Variants in MAGI1 observed in about 807,000 individuals in gnomAD.
MAGI1 encodes the protein membrane associated guanylate kinase, WW and PDZ domain containing 1, also known as membrane-associated guanylate kinase, WW and PDZ domain-containing protein 1.
A neutral mutation model predicts 139.9 loss-of-function variants in MAGI1; 58 were observed. The observed-to-expected ratio is 0.41, with a 90% CI of 0.34 to 0.52. MAGI1 has a LOEUF of 0.52. Among genes scored for constraint, MAGI1 ranks in the 20% least tolerant of loss-of-function variants. The pLI is 0.12. For missense variants in MAGI1, 1,874 were observed against 1,901.6 expected, an observed-to-expected ratio of 0.99 and a Z score of 0.27; for synonymous variants, 812 against 737.9, an observed-to-expected ratio of 1.10 and a Z score of -1.63.
In MAGI1 at chr3:65,353,670, G is replaced by A. The variant is rs1046471734; in HGVS notation, c.*2708C>T. ...TCAGGCATCAACTGTGTAACGGAGG[G>A]AGACAAATTCCTAAATCGTTTGATT... On this transcript the variant is annotated 3_prime_UTR_variant, in exon 23 of 23. Coordinates refer to ENST00000402939, the MANE Select transcript of MAGI1 (RefSeq NM_001033057.2). 1 of 152,114 alleles carries A rather than the reference G, an allele frequency of 6.6e-6. No individual in the cohort carries two copies. The highest frequency in any genetic ancestry group is 1.5e-5 in the Non-Finnish European group (1 of 68,014). The allele number at this position is 152,114 out of a possible 1,614,324, so 9.4% of individuals were successfully genotyped here.
chr3:65,773,930 ACAATTTCTTCCCGGG>A (rs1259083834), intron 1 of MAGI1, among the ~76,000 whole-genome samples: 1 of 152,146 alleles, frequency 6.6e-6, no homozygotes, highest in African/African-American at 2.4e-5. Context: ...ACAAATTAGA[ACAATTTCTTCCCGGG>A]AACGATATGA....
rs1004894276 is a variant in MAGI1, at chr3:65,407,674, T to C, written c.2168-6204A>G. Reference sequence around the variant, plus strand: ...TTAAAAAGTGGATATACATATATATTCACACACATCATATACCCAAAGACT... The same window carrying C: ...TTAAAAAGTGGATATACATATATATCCACACACATCATATACCCAAAGACT... On this transcript the variant is annotated intron_variant, in intron 12 of 22. Transcript: ENST00000402939. Among the ~76,000 whole-genome samples, 56 of 152,280 alleles carry C rather than the reference T, an allele frequency of 3.7e-4. 1 individual carries two copies. Among genetic ancestry groups the C allele is most frequent in the African/African-American group, 1.2e-3 (50 of 41,548 alleles).
chr3:65,963,780 T>G (rs1308908817), intron 1 of MAGI1, among the ~76,000 whole-genome samples: 1 of 152,134 alleles, frequency 6.6e-6, no homozygotes. Flanking sequence ...AGGAGAAAAA[T>G]TTCATAAAGA....
At chr3:65,563,759 TG>T (rs1181065253) in intron 2 of MAGI1, among the ~76,000 whole-genome samples, 1 of 152,196 alleles carries the variant, frequency 6.6e-6, no homozygotes, top group Non-Finnish European at 1.5e-5. Flanking sequence ...TAAAATTGGT[TG>T]ATGATGGTGC....
chr3:65,585,302 G>A (rs1308785243), intron 2 of MAGI1, among the ~76,000 whole-genome samples: 1 of 152,192 alleles, frequency 6.6e-6, no homozygotes, highest in African/African-American at 2.4e-5. Flanking sequence ...GACAGCTTGT[G>A]CAATGCATTA....
chr3:65,820,522 C>T (rs1310916734), intron 1 of MAGI1, among the ~76,000 whole-genome samples: 4 of 152,044 alleles, frequency 2.6e-5, no homozygotes, highest in Non-Finnish European at 5.9e-5. Context: ...ACACATTAGG[C>T]GTCCTTAATC....
At chr3:65,744,761 G>A (rs1188003533) in intron 1 of MAGI1, among the ~76,000 whole-genome samples, 2 of 152,022 alleles carry the variant, frequency 1.3e-5, no homozygotes, top group East Asian at 3.9e-4. Flanking sequence ...CGAGGGGTGG[G>A]ATTATGGACA....
chr3:65,585,824 C>T (rs1404541), intron 2 of MAGI1, among the ~76,000 whole-genome samples: 89,163 of 152,034 alleles, frequency 0.59, 28,224 homozygotes, highest in East Asian at 0.91. Context: ...AATTCTACTG[C>T]CCTTTAACTG....
At chr3:65,358,977 C>A in intron 22 of MAGI1, 1 of 1,216,046 alleles carries the variant, frequency 8.2e-7, no homozygotes, top group South Asian at 1.2e-5. Context: ...GAATGAATTG[C>A]CAAACATATC....
intron 4 of MAGI1, among the ~76,000 whole-genome samples, chr3:65,477,537 A>G (rs1411635999): frequency 6.6e-6 from 1 of 152,094 alleles, no homozygotes; most frequent in Non-Finnish European, 1.5e-5. Flanking sequence ...CAGAAGAAAC[A>G]AGGTGTTCGT....
chr3:65,938,447 A>G (rs2063163569), intron 1 of MAGI1, among the ~76,000 whole-genome samples: 2 of 151,598 alleles, frequency 1.3e-5, no homozygotes, highest in South Asian at 4.2e-4. Context: ...GTTCAAGGTG[A>G]TTCGAGTACT....
At chr3:65,448,482 G>C (rs77122015) in intron 6 of MAGI1, among the ~76,000 whole-genome samples, 47 of 152,218 alleles carry the variant, frequency 3.1e-4, no homozygotes, top group Non-Finnish European at 6.0e-4. Flanking sequence ...CACAATTAAA[G>C]CATTATTTAA....
intron 2 of MAGI1, among the ~76,000 whole-genome samples, chr3:65,520,933 A>C (rs964652428): frequency 6.6e-6 from 1 of 152,206 alleles, no homozygotes; most frequent in African/African-American, 2.4e-5. Context: ...ATTTTGGCAA[A>C]CATATTAGCC....
intron 1 of MAGI1, among the ~76,000 whole-genome samples, chr3:65,876,131 A>C (rs2060107967): frequency 6.6e-6 from 1 of 152,118 alleles, no homozygotes; most frequent in Non-Finnish European, 1.5e-5. Context: ...TAAGCAAAAA[A>C]AAAAAAAGCA....
chr3:65,780,555 C>T (rs371770934), intron 1 of MAGI1, among the ~76,000 whole-genome samples: 21 of 152,234 alleles, frequency 1.4e-4, no homozygotes, highest in South Asian at 6.2e-4. Flanking sequence ...TACTCAAACT[C>T]AATATTACAC....
chr3:65,371,874 C>T (rs991668446), intron 18 of MAGI1: 13 of 439,990 alleles, frequency 3.0e-5, no homozygotes, highest in Admixed American at 1.2e-4. Context: ...TCACATCTTC[C>T]GGCTCCACTT....
At chr3:65,700,892 G>T (rs906110289) in intron 1 of MAGI1, among the ~76,000 whole-genome samples, 1 of 152,188 alleles carries the variant, frequency 6.6e-6, no homozygotes, top group African/African-American at 2.4e-5. Flanking sequence ...CTAAGAGGAA[G>T]TACAGCTCTT....
chr3:65,989,928 TAC>T (rs1168920831), intron 1 of MAGI1, among the ~76,000 whole-genome samples: 3 of 152,218 alleles, frequency 2.0e-5, no homozygotes, highest in Admixed American at 6.5e-5. Context: ...CCTATGATTT[TAC>T]AGTTTTTACA....
At chr3:65,890,505 A>G (rs1003076049) in intron 1 of MAGI1, among the ~76,000 whole-genome samples, 2 of 152,156 alleles carry the variant, frequency 1.3e-5, no homozygotes, top group Non-Finnish European at 1.5e-5. Context: ...ATTCAACAAT[A>G]TTTTTCTCAT....
Sources: allele counts gnomAD v4.1 joint callset (sites outside exome capture counted in the v4.1 genomes callset), GRCh38; gene constraint gnomAD v4.1.1; transcripts MANE v1.5; gene names NCBI Gene and HGNC (gene_info 2026-07-23, HGNC 2026-07-21).